Variants in NCOA2 observed in about 807,000 individuals in gnomAD.
NCOA2 encodes nuclear receptor coactivator 2.
In NCOA2, 21 loss-of-function variants were observed where a neutral mutation model predicts 145.1. That is an observed-to-expected ratio of 0.14 (90% CI 0.10 to 0.21). The LOEUF is 0.21. Ranked by LOEUF, NCOA2 falls within the 10% of genes least tolerant of loss-of-function variation. The probability of loss-of-function intolerance (pLI) is 1.00; values close to 1 mark genes in which losing one functional copy is unlikely to be tolerated. For synonymous variants in NCOA2, 619 were observed against 637.5 expected (o/e 0.97, Z 0.44); for missense variants, 1,472 against 1,837.6 (o/e 0.80, Z 3.64).
At chr8:70,435,716 T>TTATA in the NCOA2 span, among the ~76,000 whole-genome samples, 21 of 148,032 alleles carry the variant, frequency 1.4e-4, no homozygotes, top group South Asian at 3.8e-3. Context: ...ATACTTACAC[T>TTATA]TATATATATA....
chr8:70,421,959 G>T, the NCOA2 span, among the ~76,000 whole-genome samples: 1 of 152,046 alleles, frequency 6.6e-6, no homozygotes, highest in Non-Finnish European at 1.5e-5. Context: ...GTCAGGTGTG[G>T]TGGAGTGTGC....
chr8:70,253,959 C>T (rs1443575640), intron 2 of NCOA2, among the ~76,000 whole-genome samples: 1 of 151,886 alleles, frequency 6.6e-6, no homozygotes, highest in Non-Finnish European at 1.5e-5. Flanking sequence ...AAAAGGCAAC[C>T]CATGGACAGG....
intron 1 of NCOA2, among the ~76,000 whole-genome samples, chr8:70,403,467 C>T (rs1814579566): frequency 6.6e-6 from 1 of 151,356 alleles, no homozygotes; most frequent in South Asian, 2.1e-4. Flanking sequence ...TTCCCGCCCT[C>T]CCCACCCCCA....
At chr8:70,123,246 CTG>C (rs1808027639) in intron 21 of NCOA2, among the ~76,000 whole-genome samples, 1 of 152,164 alleles carries the variant, frequency 6.6e-6, no homozygotes. Flanking sequence ...TTTGGATTAT[CTG>C]TGTCGGTCTC....
In NCOA2 at chr8:70,111,581, C is replaced by A; in HGVS notation, c.*2051G>T. 4.6e-6 allele frequency: 1 copy of A among 216,766 alleles called. No individual in the cohort carries two copies. The highest frequency in any genetic ancestry group is 9.3e-6 in the Non-Finnish European group (1 of 107,774). The allele number at this position is 216,766 out of a possible 1,614,324, so 13.4% of individuals were successfully genotyped here. A position where few individuals can be genotyped will look rare whatever the true frequency, so the allele number is the denominator to read the frequency against. Reference sequence around the variant, plus strand: ...ACTGAGAAGTGTTGTTCCTTGGCCACCTCCCTGTATTGAGACCCCTCTCAA... The same window carrying A: ...ACTGAGAAGTGTTGTTCCTTGGCCAACTCCCTGTATTGAGACCCCTCTCAA... On this transcript the variant is annotated 3_prime_UTR_variant, in exon 23 of 23. Coordinates refer to ENST00000452400, the MANE Select transcript of NCOA2 (RefSeq NM_006540.4).
intron 1 of NCOA2, among the ~76,000 whole-genome samples, chr8:70,398,241 T>C (rs1470340612): frequency 1.3e-5 from 2 of 152,162 alleles, no homozygotes; most frequent in East Asian, 3.8e-4. Context: ...GAGGATCGCC[T>C]GAGCCCAGGA....
At chr8:70,120,505 G>A (rs1807677729) in intron 22 of NCOA2, among the ~76,000 whole-genome samples, 1 of 152,132 alleles carries the variant, frequency 6.6e-6, no homozygotes, top group South Asian at 2.1e-4. Flanking sequence ...TGGATCACCT[G>A]AGGTCAGGAG....
At chr8:70,363,944 T>C (rs1467649207) in intron 1 of NCOA2, among the ~76,000 whole-genome samples, 1 of 151,728 alleles carries the variant, frequency 6.6e-6, no homozygotes. Flanking sequence ...AACCCCTCTT[T>C]ATGCTATTAT....
At chr8:70,274,141 A>G (rs977684084) in intron 2 of NCOA2, among the ~76,000 whole-genome samples, 2 of 151,916 alleles carry the variant, frequency 1.3e-5, no homozygotes, top group Admixed American at 1.3e-4. Context: ...TTTCATTGAC[A>G]CCGATCTGTA....
intron 1 of NCOA2, among the ~76,000 whole-genome samples, chr8:70,384,400 T>G (rs1180386672): frequency 6.6e-6 from 1 of 152,202 alleles, no homozygotes; most frequent in East Asian, 1.9e-4. Flanking sequence ...TTAAGTCTTA[T>G]GCAGGAATTT....
At chr8:70,271,060 C>T (rs952504748) in intron 2 of NCOA2, among the ~76,000 whole-genome samples, 2 of 152,034 alleles carry the variant, frequency 1.3e-5, no homozygotes, top group Non-Finnish European at 2.9e-5. Flanking sequence ...TTGTAATATG[C>T]AATAGAGGGG....
chr8:70,319,369 C>A (rs1231517417), intron 1 of NCOA2, among the ~76,000 whole-genome samples: 1 of 151,872 alleles, frequency 6.6e-6, no homozygotes, highest in East Asian at 1.9e-4. Context: ...TAGTGAAACC[C>A]TGACTCTACA....
the NCOA2 span, among the ~76,000 whole-genome samples, chr8:70,438,806 T>C: frequency 2.0e-5 from 3 of 152,352 alleles, no homozygotes; most frequent in Admixed American, 6.5e-5. Flanking sequence ...ATTTTAGAAT[T>C]TAGTTGAAGG....
intron 2 of NCOA2, among the ~76,000 whole-genome samples, chr8:70,244,774 C>T (rs559084800): frequency 3.9e-5 from 6 of 152,106 alleles, no homozygotes; most frequent in African/African-American, 1.4e-4. Flanking sequence ...CTGTATTTGG[C>T]TACATAAAGA....
intron 4 of NCOA2, among the ~76,000 whole-genome samples, chr8:70,190,310 GA>G (rs1024406173): frequency 1.1e-4 from 17 of 152,086 alleles, no homozygotes; most frequent in Non-Finnish European, 2.9e-5. Context: ...TACAATCATG[GA>G]ACTACAAAAG....
chr8:70,361,750 G>T (rs1810220577), intron 1 of NCOA2, among the ~76,000 whole-genome samples: 1 of 152,162 alleles, frequency 6.6e-6, no homozygotes, highest in African/African-American at 2.4e-5. Context: ...ATTTCTAAAT[G>T]TCCAAAATGG....
chr8:70,223,274 A>G (rs1563645095), intron 2 of NCOA2, among the ~76,000 whole-genome samples: 1 of 152,202 alleles, frequency 6.6e-6, no homozygotes, highest in South Asian at 2.1e-4. Context: ...TCATTCTGAA[A>G]CCCATTTTAA....
In NCOA2 at chr8:70,148,363, T is replaced by C; in HGVS notation, c.2515A>G (p.Ile839Val). Residue 839 changes from isoleucine to valine, a missense_variant, in exon 12 of 23, where the codon ATC (isoleucine) becomes GTC (valine). By Grantham distance (29) the Ile-to-Val change is conservative (BLOSUM62 3). Around this residue, in one of 4 missense-constraint regions of NCOA2, gnomAD observed 953 missense variants for 1,062.1 expected, o/e 0.90. Transcript: ENST00000452400. ...APAGSVDKQA[I>V]INDLMQLTAE... ...GTGAGTTGCATGAGGTCATTGATGA[T>C]GGCTTGCTTGTCAACTGATCCAGCA... 1.2e-6 allele frequency: 2 copies of C among 1,614,042 alleles called. No homozygotes were observed. The highest frequency in any genetic ancestry group is 2.2e-5 in the East Asian group (1 of 44,888).
intron 1 of NCOA2, among the ~76,000 whole-genome samples, chr8:70,333,382 T>A (rs956637134): frequency 1.3e-5 from 2 of 152,176 alleles, no homozygotes; most frequent in Non-Finnish European, 2.9e-5. Context: ...GCCACTGCTA[T>A]TGAAGTACAT....
Sources: gnomAD v4.1 joint callset for allele counts (sites outside exome capture counted in the v4.1 genomes callset) on GRCh38, gnomAD v4.1.1 for gene constraint, gnomAD v4.1.1 regional missense constraint, MANE v1.5 for transcripts, NCBI Gene and HGNC (gene_info 2026-07-23, HGNC 2026-07-21) for gene names.